The following PRKAG2 variants were observed in gnomAD, a reference collection of about 807,000 sequenced individuals.
PRKAG2 encodes the protein 5'-AMP-activated protein kinase subunit gamma-2.
In PRKAG2, 26 loss-of-function variants were observed where a neutral mutation model predicts 69.6. The ratio of observed to expected loss-of-function variants is 0.37; its 90% confidence interval spans 0.27 to 0.52. The LOEUF (loss-of-function observed/expected upper bound fraction) is 0.52, where lower values mean the gene tolerates loss of function less well. PRKAG2 is among the 20% of genes least tolerant of loss of function. PRKAG2 has a pLI of 0.90. For synonymous variants in PRKAG2, 293 were observed against 285.0 expected (o/e 1.03, Z -0.28); for missense variants, 557 against 740.0 (o/e 0.75, Z 2.87).
At chr7:151,597,075 A>T (rs933027731) in intron 5 of PRKAG2, among the ~76,000 whole-genome samples, 16 of 152,244 alleles carry the variant, frequency 1.1e-4, no homozygotes, top group African/African-American at 3.6e-4. Flanking sequence ...CTGGCATAAA[A>T]ACAGACACAC....
At chr7:151,599,828 C>A (rs1815588618) in intron 5 of PRKAG2, among the ~76,000 whole-genome samples, 1 of 152,158 alleles carries the variant, frequency 6.6e-6, no homozygotes, top group African/African-American at 2.4e-5. Flanking sequence ...GGATTGGGGA[C>A]CCCTGACCTA....
intron 1 of PRKAG2, among the ~76,000 whole-genome samples, chr7:151,830,850 G>A (rs1003822656): frequency 6.6e-6 from 1 of 151,736 alleles, no homozygotes; most frequent in Non-Finnish European, 1.5e-5. Flanking sequence ...TTCTACACAT[G>A]TTGTGCTCTC....
At chr7:151,705,391 T>G (rs1218718505) in intron 3 of PRKAG2, among the ~76,000 whole-genome samples, 1 of 152,154 alleles carries the variant, frequency 6.6e-6, no homozygotes, top group Non-Finnish European at 1.5e-5. Flanking sequence ...TGGAAATTAA[T>G]CCAGCCGGGA....
At chr7:151,706,957 C>T (rs1351340810) in intron 3 of PRKAG2, among the ~76,000 whole-genome samples, 1 of 152,210 alleles carries the variant, frequency 6.6e-6, no homozygotes, top group Admixed American at 6.5e-5. Flanking sequence ...TCTGGCCCAA[C>T]CCAACGTCAG....
At chr7:151,678,656 C>T (rs1249283287) in intron 3 of PRKAG2, among the ~76,000 whole-genome samples, 1 of 152,148 alleles carries the variant, frequency 6.6e-6, no homozygotes, top group South Asian at 2.1e-4. Context: ...ACAACAAAGT[C>T]CCAAACTCTT....
At chr7:151,628,624 T>C (rs1448597604) in intron 5 of PRKAG2, among the ~76,000 whole-genome samples, 1 of 151,934 alleles carries the variant, frequency 6.6e-6, no homozygotes, top group African/African-American at 2.4e-5. Flanking sequence ...AAGCACCACT[T>C]GAGCCCAGGA....
At position 151,577,020 on chromosome 7, in the gene PRKAG2, T is replaced by C. The variant is rs547435836; in HGVS notation, c.865-568A>G. Among the ~76,000 whole-genome samples, 23 of 152,310 alleles carry C rather than the reference T, an allele frequency of 1.5e-4. No individual in the cohort carries two copies. The East Asian group carries it at 4.4e-3, about 29-fold the overall frequency. On this transcript the variant is annotated intron_variant, in intron 6 of 15. Transcript: ENST00000287878. The stretch of plus-strand genomic sequence containing the variant: ...CTTATTGTATCTGAAGACTCTTGTC[T>C]ACATACATACTTTATGTAATTAAAA...
intron 12 of PRKAG2, 24 bp downstream of exon 12, chr7:151,565,696 C>T: frequency 1.9e-6 from 3 of 1,604,142 alleles, no homozygotes; most frequent in Non-Finnish European, 1.7e-6. Flanking sequence ...ATTATTTCTG[C>T]CTGTCAGCGC....
chr7:151,745,443 G>A (rs1024605038), intron 3 of PRKAG2, among the ~76,000 whole-genome samples: 2 of 152,190 alleles, frequency 1.3e-5, no homozygotes, highest in African/African-American at 4.8e-5. Context: ...TTTATGAGCT[G>A]GCACCTCTGC....
chr7:151,659,518 G>A (rs145781382), intron 4 of PRKAG2, among the ~76,000 whole-genome samples: 137 of 152,310 alleles, frequency 9.0e-4, no homozygotes, highest in African/African-American at 3.1e-3. Context: ...CTCACACCAC[G>A]CAGATATCTT....
At chr7:151,585,548 G>A (rs921421141) in intron 6 of PRKAG2, among the ~76,000 whole-genome samples, 8 of 152,088 alleles carry the variant, frequency 5.3e-5, no homozygotes, top group Non-Finnish European at 1.2e-4. Context: ...TTCTCAGCCC[G>A]TTTTCATCTT....
At chr7:151,630,914 C>A (rs1365195674) in intron 5 of PRKAG2, among the ~76,000 whole-genome samples, 6 of 152,216 alleles carry the variant, frequency 3.9e-5, no homozygotes, top group Admixed American at 3.9e-4. Flanking sequence ...TAAATACAGA[C>A]AAACACTTTT....
intron 1 of PRKAG2, among the ~76,000 whole-genome samples, chr7:151,851,115 T>G (rs1314470220): frequency 3.3e-5 from 5 of 152,040 alleles, no homozygotes; most frequent in African/African-American, 4.8e-5. Flanking sequence ...AATGGCCTGG[T>G]AGGGAAATAT....
intron 5 of PRKAG2, among the ~76,000 whole-genome samples, chr7:151,615,029 CGTGTGG>C (rs1563261067): frequency 1.3e-5 from 2 of 151,912 alleles, no homozygotes; most frequent in African/African-American, 4.8e-5. Context: ...AGACAGAAGC[CGTGTGG>C]ATCCAGAGGG....
intron 5 of PRKAG2, among the ~76,000 whole-genome samples, chr7:151,627,513 C>T (rs1823275356): frequency 6.6e-6 from 1 of 151,956 alleles, no homozygotes; most frequent in Non-Finnish European, 1.5e-5. Flanking sequence ...GTAATCCTAG[C>T]TACTCAGGAG....
intron 4 of PRKAG2, among the ~76,000 whole-genome samples, chr7:151,646,636 T>C (rs1291053872): frequency 6.6e-6 from 1 of 152,220 alleles, no homozygotes; most frequent in South Asian, 2.1e-4. Context: ...TAAATTATTT[T>C]GCAATTCCCC....
chr7:151,558,995 C>T (rs1341965150), intron 15 of PRKAG2: 1 of 985,462 alleles, frequency 1.0e-6, no homozygotes, highest in East Asian at 1.1e-4. Context: ...GCTGGGCAGA[C>T]TGTGTCCCGT....
chr7:151,725,897 T>A (rs1332712303), intron 3 of PRKAG2, among the ~76,000 whole-genome samples: 1 of 152,154 alleles, frequency 6.6e-6, no homozygotes, highest in East Asian at 1.9e-4. Flanking sequence ...TCCCCCACTT[T>A]GATTTTCTTT....
intron 3 of PRKAG2, among the ~76,000 whole-genome samples, chr7:151,678,214 T>C (rs1342969429): frequency 1.3e-5 from 2 of 152,208 alleles, no homozygotes; most frequent in Non-Finnish European, 2.9e-5. Context: ...CTGTTTAACG[T>C]TCAAACCAAA....
Sources: allele counts gnomAD v4.1 joint callset (sites outside exome capture counted in the v4.1 genomes callset), GRCh38; gene constraint gnomAD v4.1.1; transcripts MANE v1.5; gene names NCBI Gene and HGNC (gene_info 2026-07-23, HGNC 2026-07-21).